The following DOCK9 variants were observed in gnomAD, a reference collection of about 807,000 sequenced individuals.
DOCK9 encodes the protein dedicator of cytokinesis 9.
In DOCK9, 89 loss-of-function variants were observed where a neutral mutation model predicts 263.3. That is an observed-to-expected ratio of 0.34 (90% CI 0.28 to 0.40). DOCK9 has a LOEUF of 0.40. Ranked by LOEUF, DOCK9 falls within the 10% of genes least tolerant of loss-of-function variation. The probability of loss-of-function intolerance (pLI) is 1.00; values close to 1 mark genes in which losing one functional copy is unlikely to be tolerated. For missense variants in DOCK9, 2,140 were observed against 2,603.4 expected (o/e 0.82, Z 3.87); for synonymous variants, 976 against 973.1 (o/e 1.00, Z -0.06).
intron 2 of DOCK9, among the ~76,000 whole-genome samples, chr13:98,930,713 C>T (rs551589191): frequency 1.3e-5 from 2 of 152,124 alleles, no homozygotes; most frequent in African/African-American, 2.4e-5. Flanking sequence ...GGCGGGATCT[C>T]GGCTCACTGC....
At chr13:99,081,762 G>A (rs955124600) in intron 1 of DOCK9, among the ~76,000 whole-genome samples, 2 of 152,178 alleles carry the variant, frequency 1.3e-5, no homozygotes, top group African/African-American at 4.8e-5. Context: ...CCTGCTCAGG[G>A]AATTCTTTCT....
In DOCK9 at chr13:98,925,908, G is replaced by T; in HGVS notation, c.345C>A (p.Thr115=). 6.3e-7 allele frequency: 1 copy of T among 1,581,932 alleles called. No individual in the cohort carries two copies. The change falls in exon 4 of 53, where the codon ACC becomes ACA. Residue 115 remains threonine, a synonymous_variant. Transcript: ENST00000682017. ...TCACAAGATGCCAGTCAGAGTTATA[G>T]GTTTTGATGCACTATTGAAGGGGGA... ...QSLFVTECIK[T]YNSDWHLVNY... is the part of the protein sequence containing the mutation.
At chr13:98,964,001 G>A (rs9517512) in intron 1 of DOCK9, among the ~76,000 whole-genome samples, 11 of 152,030 alleles carry the variant, frequency 7.2e-5, no homozygotes, top group Non-Finnish European at 1.3e-4. Context: ...AAATAACAGC[G>A]GCCTCCCTTC....
chr13:98,880,221 G>A (rs1294688294), intron 26 of DOCK9, among the ~76,000 whole-genome samples: 1 of 152,026 alleles, frequency 6.6e-6, no homozygotes, highest in Non-Finnish European at 1.5e-5. Context: ...ACCAGCACGA[G>A]GCTCTGTGGG....
At chr13:98,889,251 G>C (rs1474596055) in intron 15 of DOCK9, among the ~76,000 whole-genome samples, 2 of 152,164 alleles carry the variant, frequency 1.3e-5, no homozygotes, top group African/African-American at 2.4e-5. Flanking sequence ...GAAAGGGTGG[G>C]AGTGGGGTGA....
At position 98,831,767 on chromosome 13, in the gene DOCK9, T is replaced by C. The variant is rs755424384; in HGVS notation, c.4334A>G (p.His1445Arg). The change falls in exon 40 of 53, where the codon CAT (histidine) becomes CGT (arginine). Residue 1445 changes from histidine (H) to arginine (R), a missense_variant. Physicochemically the swap from His to Arg is conservative, Grantham distance 29. Around this residue, in one of 2 missense-constraint regions of DOCK9, gnomAD observed 619 missense variants for 861.8 expected, o/e 0.72. Transcript: ENST00000682017. Reference sequence around the variant, plus strand: ...TTTTTTCATGAGAGGATTATGTCCATGGTCGGCCAGGAGCTGGTTCTTAAA... The same window carrying C: ...TTTTTTCATGAGAGGATTATGTCCACGGTCGGCCAGGAGCTGGTTCTTAAA... Reference protein sequence around the residue: ...LAFKNQLLADHGHNPLMKKVF... With the variant: ...LAFKNQLLADRGHNPLMKKVF... 1.2e-6 allele frequency: 2 copies of C among 1,614,034 alleles called. No homozygotes were observed. The highest frequency in any genetic ancestry group is 1.7e-6 in the Non-Finnish European group (2 of 1,179,886).
intron 1 of DOCK9, among the ~76,000 whole-genome samples, chr13:98,996,040 T>C (rs1880957830): frequency 6.6e-6 from 1 of 152,008 alleles, no homozygotes; most frequent in South Asian, 2.1e-4. Context: ...ATATTGAGGA[T>C]TGTGTATTTC....
intron 1 of DOCK9, among the ~76,000 whole-genome samples, chr13:98,995,747 C>A (rs1312555075): frequency 6.6e-6 from 1 of 152,046 alleles, no homozygotes; most frequent in Non-Finnish European, 1.5e-5. Context: ...CTAGGCCTCC[C>A]AAAGTGCTGG....
At chr13:98,922,225 G>T in intron 5 of DOCK9, 79 bp from the exon 6 acceptor site, 1 of 1,046,072 alleles carries the variant, frequency 9.6e-7, no homozygotes, top group Non-Finnish European at 1.4e-6. Flanking sequence ...TCAATGGGAA[G>T]GTCATTCCCT....
chr13:98,867,458 G>C lies in DOCK9; in HGVS notation c.3253C>G (p.Pro1085Ala). The C allele has an allele frequency of 1.2e-6, 2 of 1,610,624 alleles. No homozygotes were observed. The highest frequency in any genetic ancestry group is 8.5e-7 in the Non-Finnish European group (1 of 1,177,812). The change falls in exon 30 of 53, where the codon CCA becomes GCA. Residue 1085 changes from proline (P) to alanine (A), a missense_variant. Transcript: ENST00000682017. ...EHYIPLNLPM[P>A]FGKGRIQRYQ... Reference sequence around the variant, plus strand: ...CTTTGAATCCTGCCTTTTCCAAATGGCATTGGTAAGTTCAACGGAATATAA... The same window carrying C: ...CTTTGAATCCTGCCTTTTCCAAATGCCATTGGTAAGTTCAACGGAATATAA...
At position 98,947,506 on chromosome 13, in the gene DOCK9, ATT is replaced by A. The variant is rs35004750; in HGVS notation, c.243+7927_243+7928del. 0.011 allele frequency among the ~76,000 whole-genome samples: 1,358 copies of A among 123,772 alleles called. 41 individuals are homozygous for A. The East Asian group carries it at 0.12, about 11-fold the overall frequency. The allele number at this position is 123,772 out of a possible 152,430, so 81.2% of individuals were successfully genotyped here. On this transcript the variant is annotated intron_variant, in intron 2 of 52. Coordinates refer to ENST00000682017, the MANE Select transcript of DOCK9 (RefSeq NM_001366683.2). ...CAAGGTTTAGATGTGTCTATTCAGA[ATT>A]TTTTTTTTTTTTTTTTTGAGACGGA... is the stretch of plus-strand genomic sequence containing the variant.
chr13:98,907,798 G>A (rs1009579147), intron 9 of DOCK9, among the ~76,000 whole-genome samples: 2 of 152,172 alleles, frequency 1.3e-5, no homozygotes, highest in Non-Finnish European at 2.9e-5. Flanking sequence ...AATCTAAGAG[G>A]TAGAAAAATG....
Position 98,800,427 on chromosome 13 carries a change from T to A in DOCK9, c.5777A>T (p.His1926Leu). 1 of 1,614,010 alleles carries A rather than the reference T, an allele frequency of 6.2e-7. No homozygotes were observed. Among genetic ancestry groups the A allele is most frequent in the Non-Finnish European group, 8.5e-7 (1 of 1,179,896 alleles). Residue 1926 changes from histidine to leucine, a missense_variant, in exon 50 of 53, where the codon CAC becomes CTC. His to Leu is a moderately conservative substitution (Grantham distance 99). Around this residue, in one of 2 missense-constraint regions of DOCK9, gnomAD observed 619 missense variants for 861.8 expected, o/e 0.72. Transcript: ENST00000682017. ...CTCGATGGGGTTCAGGTCAGTGTGG[T>A]GCTGGTACATGACAGGGATGCGCTT... ...VKKRIPVMYQ[H>L]HTDLNPIEVA...
At chr13:98,855,082 G>A (rs936086447) in intron 34 of DOCK9, among the ~76,000 whole-genome samples, 2 of 152,186 alleles carry the variant, frequency 1.3e-5, no homozygotes, top group African/African-American at 4.8e-5. Context: ...GTTCCAAATG[G>A]TCTGAGCACT....
chr13:98,941,533 C>T (rs1339204831), intron 2 of DOCK9, among the ~76,000 whole-genome samples: 1 of 152,136 alleles, frequency 6.6e-6, no homozygotes, highest in Non-Finnish European at 1.5e-5. Flanking sequence ...GTTCAGAACC[C>T]TTAATAACTA....
At chr13:99,027,239 C>T (rs1040631542) in intron 1 of DOCK9, among the ~76,000 whole-genome samples, 10 of 152,058 alleles carry the variant, frequency 6.6e-5, no homozygotes, top group Admixed American at 2.0e-4. Context: ...AGGCTGGTAT[C>T]GAACTCCTAA....
chr13:98,990,907 T>A (rs9557110), intron 1 of DOCK9, among the ~76,000 whole-genome samples: 22,614 of 152,162 alleles, frequency 0.15, 2,421 homozygotes, highest in East Asian at 0.43. Context: ...TACTCATTAA[T>A]CCATTCATTA....
intron 1 of DOCK9, among the ~76,000 whole-genome samples, chr13:99,034,940 G>A (rs976296150): frequency 3.9e-5 from 6 of 152,074 alleles, no homozygotes; most frequent in Non-Finnish European, 5.9e-5. Flanking sequence ...TGGAACCACC[G>A]GATTATCTTC....
At position 98,977,853 on chromosome 13, in the gene DOCK9, A is replaced by C. The variant is rs1428255644; in HGVS notation, c.57T>G (p.Ile19Met). ...SSRSVKKELV[I>M]ESPLQYKDAA... Reference sequence around the variant, plus strand: ...CATCCTTGTATTGCAGGGGGGACTCAATCACCAGTTCCTTTTTGACACTTC... The same window carrying C: ...CATCCTTGTATTGCAGGGGGGACTCCATCACCAGTTCCTTTTTGACACTTC... Residue 19 changes from isoleucine to methionine, a missense_variant, in exon 1 of 53, where the codon ATT becomes ATG. Coordinates refer to ENST00000682017, the MANE Select transcript of DOCK9 (RefSeq NM_001366683.2). 1.9e-6 allele frequency: 3 copies of C among 1,606,826 alleles called. No individual in the cohort carries two copies. Among genetic ancestry groups the C allele is most frequent in the African/African-American group, 2.7e-5 (2 of 74,844 alleles).
Sources: allele counts gnomAD v4.1 joint callset (sites outside exome capture counted in the v4.1 genomes callset), GRCh38; gene constraint gnomAD v4.1.1; regional missense constraint gnomAD v4.1.1; transcripts MANE v1.5; gene names NCBI Gene and HGNC (gene_info 2026-07-23, HGNC 2026-07-21).